The following DCAF8L2 variants were observed in gnomAD, a reference collection of about 807,000 sequenced individuals.
The protein encoded by DCAF8L2 is DDB1 and CUL4 associated factor 8 like 2, also known as DDB1- and CUL4-associated factor 8-like protein 2.
For missense variants in DCAF8L2, 430 were observed against 490.7 expected, an observed-to-expected ratio of 0.88 and a Z score of 1.17; for synonymous variants, 200 against 190.9, an observed-to-expected ratio of 1.05 and a Z score of -0.39.
intron 3 of DCAF8L2, among the ~76,000 whole-genome samples, chrX:27,697,675 C>G (rs1274062674): frequency 6.3e-5 from 7 of 111,282 alleles, no homozygotes; most frequent in Non-Finnish European, 7.5e-5. Context: ...AAAAAAGAGA[C>G]TCTTCAAATT....
At chrX:27,548,658 C>T in the DCAF8L2 span, among the ~76,000 whole-genome samples, 5 of 111,584 alleles carry the variant, frequency 4.5e-5, no homozygotes, top group Admixed American at 9.5e-5. Flanking sequence ...ACAACATTTT[C>T]CATACAAAGG....
At chrX:27,474,277 T>C in the DCAF8L2 span, among the ~76,000 whole-genome samples, 1 of 112,544 alleles carries the variant, frequency 8.9e-6, no homozygotes, top group Non-Finnish European at 1.9e-5. Context: ...ATTTATTTTA[T>C]ATTCAAAAGA....
upstream of DCAF8L2, among the ~76,000 whole-genome samples, chrX:27,586,587 C>T (rs6628285): frequency 0.28 from 31,210 of 110,198 alleles, 4,643 homozygotes; most frequent in African/African-American, 0.58. Flanking sequence ...ATTATCCTGC[C>T]GTGTCCTTTC....
upstream of DCAF8L2, among the ~76,000 whole-genome samples, chrX:27,589,656 A>G (rs1311928908): frequency 1.8e-5 from 2 of 112,206 alleles, no homozygotes. Context: ...TTGCACATAA[A>G]AAAGGAAGGA....
At chrX:27,572,882 A>G in the DCAF8L2 span, among the ~76,000 whole-genome samples, 1 of 111,664 alleles carries the variant, frequency 9.0e-6, no homozygotes, top group Non-Finnish European at 1.9e-5. Context: ...CATGATCTGA[A>G]TAAGCAGGTT....
intron 1 of DCAF8L2, among the ~76,000 whole-genome samples, chrX:27,602,033 G>A (rs888097201): frequency 1.8e-5 from 2 of 111,732 alleles, no homozygotes; most frequent in Admixed American, 9.5e-5. Context: ...TACCAGAAGA[G>A]AAAAAGATAT....
chrX:27,505,625 A>C, the DCAF8L2 span, among the ~76,000 whole-genome samples: 1 of 111,526 alleles, frequency 9.0e-6, no homozygotes. Flanking sequence ...ATCCCTGTGC[A>C]ATCTCTTTTC....
chrX:27,535,246 A>C, the DCAF8L2 span, among the ~76,000 whole-genome samples: 5 of 111,923 alleles, frequency 4.5e-5, no homozygotes, highest in African/African-American at 6.5e-5. Context: ...CTATTGGAAA[A>C]AGTAGACAAT....
the DCAF8L2 span, among the ~76,000 whole-genome samples, chrX:27,497,539 TC>T: frequency 1.3e-4 from 11 of 84,381 alleles, no homozygotes; most frequent in African/African-American, 5.1e-4. Flanking sequence ...CTTCCTTCCT[TC>T]CTTCCTTCCT....
At chrX:27,626,237 G>A (rs1025036840) in intron 1 of DCAF8L2, among the ~76,000 whole-genome samples, 1 of 111,270 alleles carries the variant, frequency 9.0e-6, no homozygotes, top group African/African-American at 3.3e-5. Flanking sequence ...CAAGACGGGA[G>A]CTGGGACCTC....
intron 2 of DCAF8L2, among the ~76,000 whole-genome samples, chrX:27,655,947 CCT>C (rs1273630222): frequency 9.0e-6 from 1 of 111,349 alleles, no homozygotes; most frequent in Non-Finnish European, 1.9e-5. Context: ...TTATAAAAAA[CCT>C]CTGTCTCCTG....
chrX:27,631,223 C>G (rs1156965393), intron 1 of DCAF8L2, among the ~76,000 whole-genome samples: 1 of 111,501 alleles, frequency 9.0e-6, no homozygotes, highest in Non-Finnish European at 1.9e-5. Context: ...GATCAACAAA[C>G]TAGGTATAGA....
At chrX:27,682,117 C>G (rs1016496892) in intron 3 of DCAF8L2, among the ~76,000 whole-genome samples, 10 of 110,661 alleles carry the variant, frequency 9.0e-5, no homozygotes, top group African/African-American at 3.3e-4. Flanking sequence ...GCATGCACCA[C>G]CGTGCCAAAC....
At chrX:27,501,563 G>T in the DCAF8L2 span, among the ~76,000 whole-genome samples, 11 of 111,452 alleles carry the variant, frequency 9.9e-5, no homozygotes, top group African/African-American at 3.3e-4. Flanking sequence ...TGTCCAAGTA[G>T]CTGATTAGAG....
intron 2 of DCAF8L2, among the ~76,000 whole-genome samples, chrX:27,653,585 A>G (rs1020146311): frequency 1.7e-4 from 19 of 111,050 alleles, no homozygotes; most frequent in Middle Eastern, 4.7e-3. Context: ...ATTAAATTTT[A>G]AGGTCCTCTT....
upstream of DCAF8L2, among the ~76,000 whole-genome samples, chrX:27,589,116 AG>A: frequency 6.6e-5 from 1 of 15,218 alleles, no homozygotes; most frequent in African/African-American, 2.6e-4. Flanking sequence ...TTAGTGGTAG[AG>A]ATCCATGATA....
chrX:27,639,566 A>G (rs905666254), intron 2 of DCAF8L2, among the ~76,000 whole-genome samples: 8 of 111,814 alleles, frequency 7.2e-5, no homozygotes, highest in African/African-American at 2.6e-4. Flanking sequence ...ATAAATATAT[A>G]CACCTACTAA....
chrX:27,681,726 AAC>A (rs947996470), intron 3 of DCAF8L2, among the ~76,000 whole-genome samples: 5 of 111,813 alleles, frequency 4.5e-5, no homozygotes, highest in Non-Finnish European at 9.4e-5. Flanking sequence ...AGAAATAGTC[AAC>A]ATTTTAAGCA....
chrX:27,495,799 C>T, the DCAF8L2 span, among the ~76,000 whole-genome samples: 1 of 111,720 alleles, frequency 9.0e-6, no homozygotes, highest in Non-Finnish European at 1.9e-5. Context: ...AATTTTCTTC[C>T]CCATCACAAC....
Sources: gnomAD v4.1 joint callset for allele counts (sites outside exome capture counted in the v4.1 genomes callset) on GRCh38, gnomAD v4.1.1 for gene constraint, MANE v1.5 for transcripts, NCBI Gene and HGNC (gene_info 2026-07-23, HGNC 2026-07-21) for gene names.